PHACTR1: variants seen among roughly 807,000 people sequenced by gnomAD.
PHACTR1 encodes phosphatase and actin regulator 1.
A neutral mutation model predicts 69.2 loss-of-function variants in PHACTR1; 16 were observed. The ratio of observed to expected loss-of-function variants is 0.23; its 90% CI spans 0.16 to 0.35. The LOEUF is 0.35. Among genes scored for constraint, PHACTR1 ranks in the 10% least tolerant of loss-of-function variants. The probability of loss-of-function intolerance (pLI) is 1.00; values close to 1 mark genes in which losing one functional copy is unlikely to be tolerated. For missense variants in PHACTR1, 510 were observed against 734.7 expected (o/e 0.69, Z 3.54); for synonymous variants, 312 against 284.5 (o/e 1.10, Z -0.97).
intron 4 of PHACTR1, among the ~76,000 whole-genome samples, chr6:12,952,511 G>A (rs912566324): frequency 6.6e-6 from 1 of 152,170 alleles, no homozygotes; most frequent in African/African-American, 2.4e-5. Flanking sequence ...TTTCCATGGA[G>A]GCATTAAGAT....
At chr6:13,239,555 A>G (rs1323395700) in intron 10 of PHACTR1, among the ~76,000 whole-genome samples, 3 of 152,228 alleles carry the variant, frequency 2.0e-5, no homozygotes, top group Non-Finnish European at 4.4e-5. Flanking sequence ...AGCTGTCTGG[A>G]TAAGAAGACT....
chr6:12,743,728 T>C (rs1465472739), intron 3 of PHACTR1, among the ~76,000 whole-genome samples: 1 of 152,148 alleles, frequency 6.6e-6, no homozygotes, highest in Non-Finnish European at 1.5e-5. Flanking sequence ...CACTCCACTG[T>C]CAACATTAGA....
At chr6:12,973,947 A>G (rs141560552) in intron 4 of PHACTR1, among the ~76,000 whole-genome samples, 1,366 of 93,288 alleles carry the variant, frequency 0.015, 24 homozygotes, top group African/African-American at 0.056. Flanking sequence ...TTTGAGTTGG[A>G]GTCTCGCTCT....
chr6:12,928,905 G>C (rs147815875), intron 4 of PHACTR1, among the ~76,000 whole-genome samples: 1 of 152,356 alleles, frequency 6.6e-6, no homozygotes, highest in Non-Finnish European at 1.5e-5. Flanking sequence ...AGAAGAGAGG[G>C]AAGCGAGGTG....
At chr6:12,755,165 T>C (rs1767160920) in intron 4 of PHACTR1, among the ~76,000 whole-genome samples, 1 of 152,220 alleles carries the variant, frequency 6.6e-6, no homozygotes, top group African/African-American at 2.4e-5. Flanking sequence ...AATTACCTTA[T>C]GGCTACATGG....
chr6:12,946,544 A>G (rs889704513), intron 4 of PHACTR1, among the ~76,000 whole-genome samples: 6 of 152,222 alleles, frequency 3.9e-5, no homozygotes, highest in Non-Finnish European at 2.9e-5. Context: ...CTAGAAAAAT[A>G]GATTAAAAGA....
intron 4 of PHACTR1, among the ~76,000 whole-genome samples, chr6:12,751,885 A>G (rs919616651): frequency 2.6e-5 from 4 of 152,226 alleles, no homozygotes; most frequent in Admixed American, 6.5e-5. Flanking sequence ...TACTGCAGTC[A>G]GGGGAGCTGT....
At chr6:12,977,405 C>A (rs1042161806) in intron 4 of PHACTR1, among the ~76,000 whole-genome samples, 3 of 138,456 alleles carry the variant, frequency 2.2e-5, no homozygotes, top group Admixed American at 1.5e-4. Context: ...CACACACACA[C>A]AACACATTTA....
intron 5 of PHACTR1, among the ~76,000 whole-genome samples, chr6:13,091,020 G>A (rs545563579): frequency 6.6e-6 from 1 of 151,840 alleles, no homozygotes; most frequent in Non-Finnish European, 1.5e-5. Flanking sequence ...TGAGGGGCAG[G>A]GTGGGGTGGG....
rs780692684 is a variant in PHACTR1 at position 13,230,121 on chromosome 6, A to G, written c.1319A>G (p.Lys440Arg). ...NRPSKRELEE[K>R]NILPRQTDEE... ...CCCTCCAAGCGAGAGCTGGAAGAAA[A>G]GAACATCCTTCCCAGGCAGACGGAT... The change falls in exon 10 of 15, where the codon AAG (lysine) becomes AGG (arginine). Residue 440 changes from lysine (K) to arginine (R), a missense_variant. Physicochemically the swap from Lys to Arg is conservative, Grantham distance 26 (BLOSUM62 2). Transcript: ENST00000332995. 6.2e-7 allele frequency: 1 copy of G among 1,611,698 alleles called. No homozygotes were observed. The highest frequency in any genetic ancestry group is 1.1e-5 in the South Asian group (1 of 90,334).
At position 13,241,415 on chromosome 6, in the gene PHACTR1, C is replaced by T. The variant is rs561351148; in HGVS notation, c.1391+11222C>T. Among the ~76,000 whole-genome samples the T allele has an allele frequency of 2.0e-5, 3 of 152,150 alleles. No homozygotes were observed. The East Asian group carries it at 5.8e-4, about 29-fold the overall frequency. On this transcript the variant is annotated intron_variant, in intron 10 of 14. Transcript: ENST00000332995. ...GACCCAGAATCAGAAATTCTTGGGC[C>T]GGGTGGGAGGTGGCGTGCAGGAATC... is the stretch of plus-strand genomic sequence containing the variant.
chr6:13,144,519 C>A (rs987545763), intron 5 of PHACTR1, among the ~76,000 whole-genome samples: 2 of 152,064 alleles, frequency 1.3e-5, no homozygotes, highest in African/African-American at 4.8e-5. Context: ...AGATGCCAGT[C>A]CTCCCTAAAT....
At position 12,718,727 on chromosome 6, in the gene PHACTR1, G is replaced by A. The variant is rs1473775773; in HGVS notation, c.-18G>A. 2.1e-6 allele frequency: 3 copies of A among 1,414,274 alleles called. No individual in the cohort carries two copies. The highest frequency in any genetic ancestry group is 2.9e-6 in the Non-Finnish European group (3 of 1,036,970). 87.6% of individuals were successfully genotyped at this position (1,414,274 alleles called of 1,614,324 possible). ...TTCCAGTGTTTTCTCTCAAAACTCT[G>A]TGTTTGGAACATCAAGGATGGATTA... On this transcript the variant is annotated 5_prime_UTR_variant, in exon 3 of 15. In the 5' UTR this introduces an upstream ATG that the reference lacks. Transcript: ENST00000332995.
chr6:12,861,227 T>C (rs1315622997), intron 4 of PHACTR1, among the ~76,000 whole-genome samples: 1 of 152,200 alleles, frequency 6.6e-6, no homozygotes, highest in Non-Finnish European at 1.5e-5. Flanking sequence ...ATTGTGAAGG[T>C]TCTAATTTCT....
intron 4 of PHACTR1, among the ~76,000 whole-genome samples, chr6:12,811,201 C>G (rs1412739): frequency 0.99 from 151,576 of 152,370 alleles, 75,402 homozygotes; most frequent in Middle Eastern, 1. Context: ...AATCATAGGA[C>G]GAAGTAAGTG....
chr6:12,922,979 C>T (rs1437305400), intron 4 of PHACTR1, among the ~76,000 whole-genome samples: 1 of 152,230 alleles, frequency 6.6e-6, no homozygotes, highest in African/African-American at 2.4e-5. Context: ...TAAATACTTA[C>T]TGAATGTTTT....
chr6:13,015,463 G>A (rs926813688), intron 4 of PHACTR1, among the ~76,000 whole-genome samples: 13 of 152,118 alleles, frequency 8.5e-5, no homozygotes, highest in Non-Finnish European at 1.3e-4. Context: ...ATAACATCGA[G>A]ACCTATGGAA....
chr6:12,933,492 G>A, intron 4 of PHACTR1: 1 of 1,385,280 alleles, frequency 7.2e-7, no homozygotes, highest in South Asian at 1.5e-5. Flanking sequence ...CTAGAAGATG[G>A]ACACAAAGGC....
At chr6:12,745,533 G>A (rs1765670605) in intron 3 of PHACTR1, among the ~76,000 whole-genome samples, 1 of 151,972 alleles carries the variant, frequency 6.6e-6, no homozygotes, top group Admixed American at 6.6e-5. Context: ...CAATCATGTG[G>A]GTGTTGTCAC....
Sources: allele counts gnomAD v4.1 joint callset (sites outside exome capture counted in the v4.1 genomes callset), GRCh38; gene constraint gnomAD v4.1.1; transcripts MANE v1.5; gene names NCBI Gene and HGNC (gene_info 2026-07-23, HGNC 2026-07-21).